The following C7orf57 variants were observed in gnomAD, a reference collection of about 807,000 sequenced individuals.
The protein encoded by C7orf57 is uncharacterized protein C7orf57.
A neutral mutation model predicts 39.0 loss-of-function variants in C7orf57; 33 were observed. The observed-to-expected ratio is 0.85, with a 90% confidence interval of 0.64 to 1.13. C7orf57 has a LOEUF of 1.13. C7orf57 is among the 50% of genes most tolerant of loss of function. C7orf57 has a pLI of 0.00. For missense variants in C7orf57, 346 were observed against 362.3 expected (o/e 0.95, Z 0.37); for synonymous variants, 124 against 137.1 (o/e 0.90, Z 0.67).
At chr7:48,038,383 T>TACATATAG (rs1554298420) in intron 2 of C7orf57, among the ~76,000 whole-genome samples, 2 of 150,130 alleles carry the variant, frequency 1.3e-5, no homozygotes, top group Admixed American at 1.3e-4. Flanking sequence ...TCTATATACA[T>TACATATAG]ATAGATAGAT....
At chr7:48,037,573 C>G (rs1484056290) in intron 2 of C7orf57, among the ~76,000 whole-genome samples, 1 of 152,130 alleles carries the variant, frequency 6.6e-6, no homozygotes, top group East Asian at 1.9e-4. Context: ...TAGACTGTCA[C>G]AGACTGTGTT....
rs1228082589 is a variant in C7orf57, at chr7:48,035,936, C to T, written c.-101-272C>T. On this transcript the variant is annotated intron_variant, in intron 1 of 8. Transcript: ENST00000348904. This position sits in a 1 kb window ranked among gnomAD's most constrained non-coding sequence, Gnocchi z 4.0. Reference sequence around the variant, plus strand: ...CACGCACGTGTCTCTGCTGAATACCCCGCGTGAATGTGCCCCTGCTGTGTA... The same window carrying T: ...CACGCACGTGTCTCTGCTGAATACCTCGCGTGAATGTGCCCCTGCTGTGTA... 6.6e-6 allele frequency among the ~76,000 whole-genome samples: 1 copy of T among 151,954 alleles called. No homozygotes were observed. The highest frequency in any genetic ancestry group is 1.5e-5 in the Non-Finnish European group (1 of 67,980).
intron 6 of C7orf57, among the ~76,000 whole-genome samples, chr7:48,050,377 T>G (rs909077157): frequency 6.6e-6 from 1 of 152,228 alleles, no homozygotes; most frequent in Non-Finnish European, 1.5e-5. Context: ...GTCCGCGCCT[T>G]GTAAGCGTGC....
intron 2 of C7orf57, among the ~76,000 whole-genome samples, chr7:48,039,877 T>C (rs1583800692): frequency 6.6e-6 from 1 of 152,092 alleles, no homozygotes; most frequent in African/African-American, 2.4e-5. Flanking sequence ...ACCCAGTCAC[T>C]TGTGTCACAT....
chr7:48,052,660 C>T, intron 6 of C7orf57, 40 bp from the exon 7 acceptor site: 1 of 1,544,706 alleles, frequency 6.5e-7, no homozygotes, highest in Non-Finnish European at 8.9e-7. Flanking sequence ...TATCATTAAC[C>T]CTTGTACTTA....
chr7:48,054,157 G>A (rs553695220), intron 7 of C7orf57, among the ~76,000 whole-genome samples: 14 of 152,226 alleles, frequency 9.2e-5, no homozygotes, highest in South Asian at 4.1e-4. Context: ...GCTCACGCCT[G>A]TAATCCCAGC....
chr7:48,038,381 C>CATATATATAT (rs142265532), intron 2 of C7orf57, among the ~76,000 whole-genome samples: 94 of 129,012 alleles, frequency 7.3e-4, no homozygotes, highest in Middle Eastern at 3.8e-3. Context: ...TTTCTATATA[C>CATATATATAT]ATATAGATAG....
intron 8 of C7orf57, among the ~76,000 whole-genome samples, chr7:48,057,620 C>A (rs1233849085): frequency 1.3e-5 from 2 of 152,008 alleles, no homozygotes; most frequent in African/African-American, 4.8e-5. Flanking sequence ...ATTTTTCATG[C>A]CTAATTGCTC....
chr7:48,048,099 C>T (rs1790768802), intron 5 of C7orf57, among the ~76,000 whole-genome samples: 1 of 152,164 alleles, frequency 6.6e-6, no homozygotes, highest in South Asian at 2.1e-4. Context: ...CACAAAGTTC[C>T]TGAAGCCAGC....
At chr7:48,052,581 A>G in intron 6 of C7orf57, 119 bp from the exon 7 acceptor site, 1 of 747,126 alleles carries the variant, frequency 1.3e-6, no homozygotes, top group South Asian at 1.7e-5. Flanking sequence ...AGAGAGAGAG[A>G]GGTTTGTTAG....
At position 48,052,807 on chromosome 7, in the gene C7orf57, C is replaced by A. The variant is rs776631751; in HGVS notation, c.713C>A (p.Thr238Asn). The change falls in exon 7 of 9, where the codon ACC becomes AAC. Residue 238 changes from threonine (T) to asparagine (N), a missense_variant. Transcript: ENST00000348904. ...QQQRADSDKR[T>N]PKTSRASVLS... ...CAGCGAGCTGACTCAGACAAGAGGA[C>A]CCCGAAGACCTCCAGGGCATCAGTG... is the stretch of plus-strand genomic sequence containing the variant. 3.1e-6 allele frequency: 5 copies of A among 1,613,862 alleles called. No individual in the cohort carries two copies. Among genetic ancestry groups the A allele is most frequent in the Non-Finnish European group, 4.2e-6 (5 of 1,179,882 alleles).
chr7:48,050,487 C>T (rs1790842956), intron 6 of C7orf57, among the ~76,000 whole-genome samples: 1 of 152,174 alleles, frequency 6.6e-6, no homozygotes, highest in Non-Finnish European at 1.5e-5. Flanking sequence ...TCTTCTTACT[C>T]TCCCAGAATC....
At position 48,052,785 on chromosome 7, in the gene C7orf57, C is replaced by G. The variant is rs530278655; in HGVS notation, c.691C>G (p.Arg231Gly). Residue 231 changes from arginine (R) to glycine (G), a missense_variant, in exon 7 of 9, where the codon CGA becomes GGA. Transcript: ENST00000348904. The stretch of plus-strand genomic sequence containing the variant: ...GGATGAGTGGTTGCAGCAGCAGCAG[C>G]GAGCTGACTCAGACAAGAGGACCCC... ...YKDEWLQQQQ[R>G]ADSDKRTPKT... The G allele has an allele frequency of 2.7e-5, 43 of 1,613,864 alleles. No homozygotes were observed. The highest frequency in any genetic ancestry group is 8.5e-7 in the Non-Finnish European group (1 of 1,179,890).
intron 5 of C7orf57, among the ~76,000 whole-genome samples, chr7:48,047,591 T>G (rs1243847166): frequency 6.6e-6 from 1 of 152,238 alleles, no homozygotes; most frequent in Non-Finnish European, 1.5e-5. Flanking sequence ...ATGGGCCACA[T>G]GCTTTTTCTT....
chr7:48,049,875 C>T lies in C7orf57; in HGVS notation c.508-5C>T, dbSNP rs754761206. 1.2e-5 allele frequency: 20 copies of T among 1,612,712 alleles called. No homozygotes were observed. The Admixed American group carries it at 3.0e-4, about 24-fold the overall frequency. ...ACTCAAGGTTTTGTGTGTTTCCTCACACAGCTGAGGCTACCGGCCATTGAC... is the reference window on the plus strand; with the variant it reads ...ACTCAAGGTTTTGTGTGTTTCCTCATACAGCTGAGGCTACCGGCCATTGAC... On this transcript the variant is annotated splice_region_variant and splice_polypyrimidine_tract_variant and intron_variant, in intron 5 of 8. Coordinates refer to ENST00000348904, the MANE Select transcript of C7orf57 (RefSeq NM_001100159.3).
intron 8 of C7orf57, among the ~76,000 whole-genome samples, chr7:48,054,915 C>T (rs528157988): frequency 3.4e-4 from 51 of 151,798 alleles, no homozygotes; most frequent in Non-Finnish European, 6.0e-4. Flanking sequence ...CTCGCTCTGT[C>T]GCCCAGGCTG....
intron 3 of C7orf57, among the ~76,000 whole-genome samples, chr7:48,042,253 TA>T (rs1173969063): frequency 6.6e-6 from 1 of 152,234 alleles, no homozygotes; most frequent in Non-Finnish European, 1.5e-5. Context: ...TTTGATGGAC[TA>T]GGTGTGATGC....
chr7:48,056,898 A>G (rs1449799336), intron 8 of C7orf57, among the ~76,000 whole-genome samples: 1 of 151,970 alleles, frequency 6.6e-6, no homozygotes, highest in African/African-American at 2.4e-5. Flanking sequence ...CCTTTCCCTC[A>G]TTGTGTGTTC....
chr7:48,037,994 C>T (rs967272304), intron 2 of C7orf57, among the ~76,000 whole-genome samples: 2 of 152,120 alleles, frequency 1.3e-5, no homozygotes, highest in Non-Finnish European at 2.9e-5. Context: ...CAATCAAACG[C>T]CTTCTCTCAA....
Sources: gnomAD v4.1 joint callset for allele counts (sites outside exome capture counted in the v4.1 genomes callset) on GRCh38, gnomAD v4.1.1 for gene constraint, Gnocchi (gnomAD v3.1) non-coding constraint, MANE v1.5 for transcripts, NCBI Gene and HGNC (gene_info 2026-07-23, HGNC 2026-07-21) for gene names.